The following PMPCB variants were observed in gnomAD, a reference collection of about 807,000 sequenced individuals.
PMPCB encodes the protein peptidase, mitochondrial processing subunit beta, also known as mitochondrial-processing peptidase subunit beta.
In PMPCB, 46 loss-of-function variants were observed where a neutral mutation model predicts 61.5. The ratio of observed to expected loss-of-function variants is 0.75; its 90% CI spans 0.59 to 0.96. PMPCB has a LOEUF of 0.96. Among genes scored for constraint, PMPCB ranks in the 40% least tolerant of loss-of-function variants. The pLI, the probability that PMPCB is intolerant of heterozygous loss-of-function variation, is 0.00. For synonymous variants in PMPCB, 191 were observed against 201.6 expected, an observed-to-expected ratio of 0.95 and a Z score of 0.44; for missense variants, 590 against 602.4, an observed-to-expected ratio of 0.98 and a Z score of 0.22.
At chr7:103,304,096 A>G in intron 5 of PMPCB, 56 bp downstream of exon 5, 1 of 1,308,332 alleles carries the variant, frequency 7.6e-7, no homozygotes, top group Non-Finnish European at 1.1e-6. Flanking sequence ...TTGAAAATAA[A>G]CATTTACAAA....
chr7:103,303,806 T>G (rs755792369), intron 4 of PMPCB, 36 bp from the exon 5 acceptor site: 4 of 1,459,984 alleles, frequency 2.7e-6, no homozygotes, highest in East Asian at 2.4e-5. Context: ...AAGTTAAGAT[T>G]GCTGGCACGT....
At chr7:103,338,645 C>T in the PMPCB span, among the ~76,000 whole-genome samples, 17 of 152,106 alleles carry the variant, frequency 1.1e-4, no homozygotes, top group Admixed American at 9.8e-4. Context: ...GGCATGCCAG[C>T]TTACGCCTGT....
chr7:103,310,005 G>A (rs1563449361), intron 8 of PMPCB, among the ~76,000 whole-genome samples: 1 of 152,252 alleles, frequency 6.6e-6, no homozygotes, highest in Middle Eastern at 3.4e-3. Flanking sequence ...ATCTTTAAGC[G>A]TATGTAGCCA....
Position 103,303,736 on chromosome 7 carries a change from T to C in PMPCB, c.458-106T>C, listed in dbSNP as rs1817507660. 1.6e-5 allele frequency: 11 copies of C among 699,848 alleles called. No homozygotes were observed. In the South Asian group the frequency reaches 2.1e-4, roughly 14 times the overall value. 43.4% of individuals were successfully genotyped at this position (699,848 alleles called of 1,614,324 possible). A position where few individuals can be genotyped will look rare whatever the true frequency, so the allele number is the denominator to read the frequency against. Reference sequence around the variant, plus strand: ...TTTTTCTCCTAGGCTAATCATTTAGTATTGAGTGATGGGTCAGTGTCATGA... The same window carrying C: ...TTTTTCTCCTAGGCTAATCATTTAGCATTGAGTGATGGGTCAGTGTCATGA... On this transcript the variant is annotated intron_variant, in intron 4 of 12. Transcript: ENST00000249269.
chr7:103,337,861 T>G, the PMPCB span: 4 of 1,348,254 alleles, frequency 3.0e-6, 1 homozygote, highest in African/African-American at 1.4e-5. Flanking sequence ...AGCCAATATA[T>G]TCCATCCCTT....
chr7:103,320,540 C>T (rs1270034009), intron 12 of PMPCB, among the ~76,000 whole-genome samples: 3 of 151,592 alleles, frequency 2.0e-5, no homozygotes, highest in African/African-American at 7.3e-5. Flanking sequence ...GCAGGCGGAT[C>T]GTGAGGTCAG....
At chr7:103,310,589 T>TAGATAAAC in intron 9 of PMPCB, 114 bp downstream of exon 9, 3 of 751,492 alleles carry the variant, frequency 4.0e-6, no homozygotes, top group Non-Finnish European at 6.1e-6. Context: ...TTAAGAGACC[T>TAGATAAAC]AGATAAACAG....
At chr7:103,311,479 GAA>G in intron 9 of PMPCB, 162 bp from the exon 10 acceptor site, 1 of 605,246 alleles carries the variant, frequency 1.7e-6, no homozygotes, top group Non-Finnish European at 2.9e-6. Flanking sequence ...TCATTTTTGA[GAA>G]ATTAATACTG....
chr7:103,315,108 G>A (rs1187934849), downstream of PMPCB, among the ~76,000 whole-genome samples: 1 of 151,454 alleles, frequency 6.6e-6, no homozygotes, highest in East Asian at 1.9e-4. Context: ...GTCATGATTT[G>A]TAACATGAAA....
intron 7 of PMPCB, 63 bp from the exon 8 acceptor site, chr7:103,308,889 G>A: frequency 7.5e-7 from 1 of 1,335,330 alleles, no homozygotes; most frequent in Non-Finnish European, 9.9e-7. Context: ...TTTTTTCCTT[G>A]TTAATAAGCA....
At chr7:103,311,917 A>T in intron 11 of PMPCB, 21 bp downstream of exon 11, 1 of 1,544,338 alleles carries the variant, frequency 6.5e-7, no homozygotes, top group Non-Finnish European at 8.9e-7. Context: ...CTGAGTTACT[A>T]TTGGGTCATG....
At chr7:103,300,378 A>G (rs1040160377) in intron 4 of PMPCB, 71 bp downstream of exon 4, 5 of 1,228,140 alleles carry the variant, frequency 4.1e-6, no homozygotes, top group Non-Finnish European at 5.6e-6. Flanking sequence ...TACTATTTTT[A>G]TTATGTCTGT....
At chr7:103,323,372 C>T (rs962762881) in intron 12 of PMPCB, among the ~76,000 whole-genome samples, 11 of 152,174 alleles carry the variant, frequency 7.2e-5, no homozygotes, top group Non-Finnish European at 1.3e-4. Context: ...ACTGAGCTAT[C>T]TGACATTATA....
At position 103,310,408 on chromosome 7, in the gene PMPCB, T is replaced by C. The variant is rs752266462; in HGVS notation, c.1087T>C (p.Trp363Arg). 59 of 1,612,154 alleles carry C rather than the reference T, an allele frequency of 3.7e-5. No individual in the cohort carries two copies. Among genetic ancestry groups the C allele is most frequent in the Non-Finnish European group, 4.9e-5 (58 of 1,178,300 alleles). The change falls in exon 9 of 13, where the codon TGG (tryptophan) becomes CGG (arginine). Residue 363 changes from tryptophan (W) to arginine (R), a missense_variant. Trp to Arg is a moderately radical substitution (Grantham distance 101). Transcript: ENST00000249269. ...FNTSYTDTGL[W>R]GLYMVCESST... ...CACTTCCTACACAGATACAGGATTA[T>C]GGGGACTGTATATGGTTTGTGAATC...
At chr7:103,322,112 T>C in intron 12 of PMPCB, 1 of 1,551,046 alleles carries the variant, frequency 6.4e-7, no homozygotes, top group Non-Finnish European at 8.7e-7. Context: ...ATCATTTTAA[T>C]AGGTACAGTA....
chr7:103,298,669 C>CA lies in PMPCB; in HGVS notation c.202dup (p.Arg68LysfsTer19), dbSNP rs1563443319. On this transcript the variant is annotated frameshift_variant, in exon 2 of 13. Coordinates refer to ENST00000249269, the MANE Select transcript of PMPCB (RefSeq NM_004279.3). LOFTEE classifies it high-confidence loss of function. The stretch of plus-strand genomic sequence containing the variant: ...GAGTAACATGTTTAGAAAGTGGACT[C>CA]AGAGTAGCTTCGGAAGACTCTGGGC... 5.0e-6 allele frequency: 8 copies of CA among 1,614,142 alleles called. No individual in the cohort carries two copies. Among genetic ancestry groups the CA allele is most frequent in the Non-Finnish European group, 6.8e-6 (8 of 1,179,990 alleles).
At chr7:103,343,021 C>T in the PMPCB span, among the ~76,000 whole-genome samples, 3 of 151,524 alleles carry the variant, frequency 2.0e-5, no homozygotes, top group African/African-American at 4.8e-5. Flanking sequence ...TTTTTTGAGA[C>T]GGAGTTTTGC....
At chr7:103,341,938 T>G in the PMPCB span, 6 of 1,604,340 alleles carry the variant, frequency 3.7e-6, no homozygotes, top group Non-Finnish European at 5.1e-6. Context: ...CAGGTTCAAC[T>G]TGACAGAGTG....
chr7:103,306,661 AG>A (rs1235405944), intron 6 of PMPCB, among the ~76,000 whole-genome samples: 23 of 152,154 alleles, frequency 1.5e-4, no homozygotes, highest in Non-Finnish European at 2.5e-4. Context: ...TTGGGATTAC[AG>A]GCGTGAGCCA....
Sources: gnomAD v4.1 joint callset for allele counts (sites outside exome capture counted in the v4.1 genomes callset) on GRCh38, gnomAD v4.1.1 for gene constraint, MANE v1.5 for transcripts, NCBI Gene and HGNC (gene_info 2026-07-23, HGNC 2026-07-21) for gene names.